The following GABRA1 variants were observed in gnomAD, a reference collection of about 807,000 sequenced individuals.
The protein encoded by GABRA1 is gamma-aminobutyric acid receptor subunit alpha-1.
GABRA1 carries 9 observed loss-of-function variants against 48.9 expected under a neutral mutation model. The observed-to-expected ratio is 0.18, with a 90% CI of 0.11 to 0.32. GABRA1 has a LOEUF of 0.32. GABRA1 is among the 10% of genes least tolerant of loss of function. The pLI is 1.00. For missense variants in GABRA1, 285 were observed against 553.8 expected (o/e 0.51, Z 4.87); for synonymous variants, 210 against 198.7 (o/e 1.06, Z -0.48).
chr5:161,878,035 C>G (rs1253156389), intron 6 of GABRA1, among the ~76,000 whole-genome samples: 1 of 152,122 alleles, frequency 6.6e-6, no homozygotes, highest in Non-Finnish European at 1.5e-5. Flanking sequence ...TATTGGTTAA[C>G]TTTTGTATTG....
intron 3 of GABRA1, among the ~76,000 whole-genome samples, chr5:161,860,695 C>T (rs375782783): frequency 1.1e-3 from 161 of 150,906 alleles, no homozygotes; most frequent in African/African-American, 3.8e-3. Context: ...ATCCTGTTTT[C>T]TATGATGTGA....
chr5:161,881,205 C>A (rs1754598612), intron 6 of GABRA1, among the ~76,000 whole-genome samples: 1 of 152,130 alleles, frequency 6.6e-6, no homozygotes, highest in Non-Finnish European at 1.5e-5. Context: ...TATGATGCCT[C>A]CCCCTCAAAA....
chr5:161,864,482 A>C (rs1171977965), intron 3 of GABRA1, among the ~76,000 whole-genome samples: 1 of 152,090 alleles, frequency 6.6e-6, no homozygotes, highest in African/African-American at 2.4e-5. Context: ...AACTCTTCAC[A>C]AGTAAATTGC....
intron 5 of GABRA1, 84 bp from the exon 6 acceptor site, chr5:161,875,476 C>A: frequency 1.9e-6 from 2 of 1,059,928 alleles, no homozygotes; most frequent in Non-Finnish European, 3.0e-6. Flanking sequence ...AATATATTTG[C>A]TACAGTTAAT....
At chr5:161,885,002 C>T (rs1383130616) in intron 7 of GABRA1, among the ~76,000 whole-genome samples, 1 of 152,164 alleles carries the variant, frequency 6.6e-6, no homozygotes, top group Non-Finnish European at 1.5e-5. Context: ...TGGCCCAACC[C>T]ATTGACACCT....
intron 1 of GABRA1, chr5:161,849,063 A>G (rs771918949): frequency 4.8e-5 from 21 of 436,480 alleles, no homozygotes; most frequent in Non-Finnish European, 9.6e-5. Context: ...TGTCTGGGGG[A>G]GGGGGAGGTT....
At position 161,870,946 on chromosome 5, in the gene GABRA1, CTGTGTGTGTGTGTGTG is replaced by C. The variant is rs59726286; in HGVS notation, c.256-2136_256-2121del. On this transcript the variant is annotated intron_variant, in intron 4 of 9. Coordinates refer to ENST00000393943, the MANE Select transcript of GABRA1 (RefSeq NM_001127644.2). ...TGAAGATTAACCAGCGAGTGTTGCT[CTGTGTGTGTGTGTGTG>C]TGTGTGTGTGTGTGTGTGTGTGTGT... is the stretch of plus-strand genomic sequence containing the variant. Among the ~76,000 whole-genome samples, 536 of 141,504 alleles carry C rather than the reference CTGTGTGTGTGTGTGTG, an allele frequency of 3.8e-3. 2 individuals carry two copies. Among genetic ancestry groups the C allele is most frequent in the East Asian group, 6.4e-3 (30 of 4,706 alleles). The allele number at this position is 141,504 out of a possible 152,430, so 92.8% of individuals were successfully genotyped here.
intron 2 of GABRA1, among the ~76,000 whole-genome samples, 171 bp downstream of exon 2, chr5:161,851,055 TGTTTGCAC>T (rs1308188911): frequency 6.6e-6 from 1 of 152,222 alleles, no homozygotes; most frequent in Non-Finnish European, 1.5e-5. Context: ...CAAATCATTA[TGTTTGCAC>T]GTTAGTTAGA....
intron 4 of GABRA1, among the ~76,000 whole-genome samples, chr5:161,871,500 C>T (rs541134137): frequency 4.8e-4 from 73 of 152,282 alleles, no homozygotes; most frequent in Non-Finnish European, 8.2e-4. Context: ...GATCCATCCA[C>T]CCAGTTTTCC....
At chr5:161,892,468 C>G (rs1286077291) in intron 8 of GABRA1, among the ~76,000 whole-genome samples, 2 of 152,204 alleles carry the variant, frequency 1.3e-5, no homozygotes, top group East Asian at 3.9e-4. Flanking sequence ...AACACCAAAT[C>G]ATTGCTCCGA....
Position 161,875,593 on chromosome 5 carries a change from G to A in GABRA1, c.510G>A (p.Leu170=). The change falls in exon 6 of 10, where the codon TTG becomes TTA. Residue 170 remains leucine (L), a synonymous_variant. Coordinates refer to ENST00000393943, the MANE Select transcript of GABRA1 (RefSeq NM_001127644.2). ...LTVRAECPMH[L]EDFPMDAHAC... is the part of the protein sequence containing the mutation. ...TGAGAGCTGAATGTCCGATGCATTT[G>A]GAGGACTTCCCTATGGATGCCCATG... The A allele has an allele frequency of 6.2e-7, 1 of 1,613,518 alleles. No individual in the cohort carries two copies. Among genetic ancestry groups the A allele is most frequent in the African/African-American group, 1.3e-5 (1 of 74,990 alleles).
chr5:161,885,028 A>T (rs1754783951), intron 7 of GABRA1, among the ~76,000 whole-genome samples: 1 of 152,198 alleles, frequency 6.6e-6, no homozygotes, highest in Non-Finnish European at 1.5e-5. Context: ...GGTAGACCTC[A>T]TGGGCTGGGC....
chr5:161,871,869 A>G (rs1561574759), intron 4 of GABRA1, among the ~76,000 whole-genome samples: 2 of 152,168 alleles, frequency 1.3e-5, no homozygotes, highest in African/African-American at 2.4e-5. Flanking sequence ...TACATTTAAT[A>G]ATAATTGTTA....
intron 8 of GABRA1, among the ~76,000 whole-genome samples, chr5:161,892,856 T>C: frequency 6.6e-6 from 1 of 151,456 alleles, no homozygotes; most frequent in East Asian, 1.9e-4. Flanking sequence ...TACAAAAAAT[T>C]AGCTGGGTGT....
intron 7 of GABRA1, among the ~76,000 whole-genome samples, chr5:161,884,686 C>T (rs1754760999): frequency 6.6e-6 from 1 of 152,090 alleles, no homozygotes; most frequent in African/African-American, 2.4e-5. Context: ...AACTCTTCAT[C>T]TATTTTTGTT....
At chr5:161,862,757 G>A (rs75126767) in intron 3 of GABRA1, among the ~76,000 whole-genome samples, 7,153 of 151,884 alleles carry the variant, frequency 0.047, 213 homozygotes, top group African/African-American at 0.074. Context: ...ATTAATGTAC[G>A]CAATAGATGC....
At chr5:161,870,069 TA>T (rs1214636735) in intron 4 of GABRA1, among the ~76,000 whole-genome samples, 2 of 152,158 alleles carry the variant, frequency 1.3e-5, no homozygotes, top group African/African-American at 4.8e-5. Context: ...TAGGCACTCT[TA>T]AAAGATATTC....
intron 3 of GABRA1, among the ~76,000 whole-genome samples, chr5:161,858,184 A>AATTTTCCCAGGAAATTC (rs1329878612): frequency 6.6e-6 from 1 of 151,356 alleles, no homozygotes; most frequent in Non-Finnish European, 1.5e-5. Context: ...ACGAAACCAA[A>AATTTTCCCAGGAAATTC]ATTTTCCCAG....
intron 7 of GABRA1, among the ~76,000 whole-genome samples, chr5:161,885,037 G>A (rs536509271): frequency 6.6e-6 from 1 of 152,268 alleles, no homozygotes; most frequent in South Asian, 2.1e-4. Flanking sequence ...CATGGGCTGG[G>A]CCCACTAGAA....
Sources: allele counts gnomAD v4.1 joint callset (sites outside exome capture counted in the v4.1 genomes callset), GRCh38; gene constraint gnomAD v4.1.1; transcripts MANE v1.5; gene names NCBI Gene and HGNC (gene_info 2026-07-23, HGNC 2026-07-21).